CNTN4: variants seen among roughly 807,000 people sequenced by gnomAD.
CNTN4 encodes contactin 4.
Under a neutral mutation model 122.5 loss-of-function variants are expected in CNTN4, and 77 were observed. The observed-to-expected ratio is 0.63, with a 90% CI of 0.52 to 0.76. The LOEUF (loss-of-function observed/expected upper bound fraction) is 0.76. CNTN4 is among the 30% of genes least tolerant of loss of function. CNTN4 has a pLI of 0.00. For missense variants in CNTN4, 1,256 were observed against 1,259.1 expected (o/e 1.00, Z 0.04); for synonymous variants, 512 against 447.0 (o/e 1.15, Z -1.83).
At chr3:2,390,496 A>G (rs1295209623) in intron 3 of CNTN4, among the ~76,000 whole-genome samples, 1 of 152,194 alleles carries the variant, frequency 6.6e-6, no homozygotes, top group Non-Finnish European at 1.5e-5. Flanking sequence ...ACTAAAACAC[A>G]TGATATAGCA....
At chr3:2,136,963 T>TC (rs1485942399) in intron 2 of CNTN4, among the ~76,000 whole-genome samples, 3 of 152,066 alleles carry the variant, frequency 2.0e-5, no homozygotes, top group African/African-American at 7.2e-5. Context: ...AAACAACCCC[T>TC]CCCCCCGAAG....
intron 3 of CNTN4, among the ~76,000 whole-genome samples, chr3:2,466,968 TTC>T (rs1334519229): frequency 1.5e-5 from 2 of 131,326 alleles, no homozygotes; most frequent in African/African-American, 5.3e-5. Flanking sequence ...CTTTCTTTCT[TTC>T]TTTTTTTTTT....
At chr3:2,735,471 G>A (rs113510788) in intron 4 of CNTN4, among the ~76,000 whole-genome samples, 1 of 152,196 alleles carries the variant, frequency 6.6e-6, no homozygotes, top group Non-Finnish European at 1.5e-5. Flanking sequence ...ACTTAGAAAT[G>A]CATGGCTGTT....
intron 6 of CNTN4, among the ~76,000 whole-genome samples, chr3:2,777,960 A>C (rs1397051819): frequency 2.0e-4 from 31 of 152,084 alleles, no homozygotes; most frequent in Admixed American, 2.0e-3. Context: ...CATGCCTGTA[A>C]TGCCAGCACT....
intron 2 of CNTN4, among the ~76,000 whole-genome samples, chr3:2,201,559 G>A (rs1050175492): frequency 2.6e-5 from 4 of 152,092 alleles, no homozygotes; most frequent in African/African-American, 9.7e-5. Flanking sequence ...ATTTGCCAAA[G>A]TATTGCTAAA....
At chr3:2,270,333 G>A (rs971939832) in intron 2 of CNTN4, among the ~76,000 whole-genome samples, 2 of 152,110 alleles carry the variant, frequency 1.3e-5, no homozygotes, top group Non-Finnish European at 2.9e-5. Flanking sequence ...TGTCATGGGG[G>A]TTTGGTGTAC....
chr3:2,328,187 C>A (rs894370060), intron 2 of CNTN4, among the ~76,000 whole-genome samples: 1 of 152,090 alleles, frequency 6.6e-6, no homozygotes, highest in African/African-American at 2.4e-5. Context: ...GGGCGGATCA[C>A]GGGGTCAGGA....
chr3:2,615,494 A>T (rs1406267735), intron 4 of CNTN4, among the ~76,000 whole-genome samples: 1 of 152,148 alleles, frequency 6.6e-6, no homozygotes, highest in Non-Finnish European at 1.5e-5. Flanking sequence ...AACAGTTCAC[A>T]TTTTTAAAAG....
At chr3:2,167,359 G>C (rs2036241132) in intron 2 of CNTN4, among the ~76,000 whole-genome samples, 1 of 152,008 alleles carries the variant, frequency 6.6e-6, no homozygotes, top group Non-Finnish European at 1.5e-5. Context: ...AAGGTAACGT[G>C]TAACAATACC....
intron 3 of CNTN4, among the ~76,000 whole-genome samples, chr3:2,358,591 ATGATTT>A (rs1401580574): frequency 4.6e-5 from 7 of 152,092 alleles, no homozygotes; most frequent in African/African-American, 2.4e-5. Flanking sequence ...CCAATTAAAA[ATGATTT>A]TAGATGATCT....
chr3:2,195,811 C>G (rs1016052911), intron 2 of CNTN4, among the ~76,000 whole-genome samples: 2 of 152,124 alleles, frequency 1.3e-5, no homozygotes, highest in Admixed American at 1.3e-4. Context: ...CACTTAGTTA[C>G]CTAGTTTGGC....
chr3:2,682,393 A>G (rs2085210632), intron 4 of CNTN4, among the ~76,000 whole-genome samples: 1 of 152,162 alleles, frequency 6.6e-6, no homozygotes, highest in Admixed American at 6.6e-5. Flanking sequence ...TGAGGATGTC[A>G]GAGACCCCTT....
intron 10 of CNTN4, among the ~76,000 whole-genome samples, chr3:2,900,145 A>C (rs577417724): frequency 6.6e-6 from 1 of 152,298 alleles, no homozygotes; most frequent in South Asian, 2.1e-4. Context: ...ACCCAAGGCT[A>C]TTTCAATTGC....
intron 3 of CNTN4, among the ~76,000 whole-genome samples, chr3:2,464,385 G>A (rs980792085): frequency 1.3e-5 from 2 of 152,204 alleles, no homozygotes; most frequent in Non-Finnish European, 2.9e-5. Context: ...TGTGCAACTA[G>A]CACTTGTGTA....
Position 2,109,504 on chromosome 3 carries a change from T to C in CNTN4, c.-145+8865T>C, listed in dbSNP as rs377284323. Among the ~76,000 whole-genome samples, 26 of 152,312 alleles carry C rather than the reference T, an allele frequency of 1.7e-4. 1 individual carries two copies. The East Asian group carries it at 4.4e-3, about 26-fold the overall frequency. ...TGTAACTTGCACACTTGTATTAATATAAATCTTGAGTGTCCATGTTGCCTA... is the reference window on the plus strand; with the variant it reads ...TGTAACTTGCACACTTGTATTAATACAAATCTTGAGTGTCCATGTTGCCTA... On this transcript the variant is annotated intron_variant, in intron 2 of 24. Coordinates refer to ENST00000418658, the MANE Select transcript of CNTN4 (RefSeq NM_175607.3).
At chr3:2,208,685 C>G (rs906177540) in intron 2 of CNTN4, among the ~76,000 whole-genome samples, 1 of 152,106 alleles carries the variant, frequency 6.6e-6, no homozygotes, top group South Asian at 2.1e-4. Flanking sequence ...AAGGAAGGGT[C>G]TATCTATGCA....
rs539412262 is a variant in CNTN4 at position 3,001,372 on chromosome 3, T to G, written c.1486+12900T>G. ...GAATTCCTCATTGTTTTTTCCCAGA[T>G]GCATCACTGGATAAGGAGTGAGTAA... On this transcript the variant is annotated intron_variant, in intron 14 of 24. Coordinates refer to ENST00000418658, the MANE Select transcript of CNTN4 (RefSeq NM_175607.3). Among the ~76,000 whole-genome samples, 3 of 152,310 alleles carry G rather than the reference T, an allele frequency of 2.0e-5. No individual in the cohort carries two copies. In the South Asian group the frequency reaches 6.2e-4, roughly 32 times the overall value.
intron 14 of CNTN4, among the ~76,000 whole-genome samples, chr3:3,000,239 T>C (rs918751110): frequency 3.3e-5 from 5 of 151,716 alleles, no homozygotes; most frequent in Admixed American, 6.6e-5. Context: ...AGGGGGGAAA[T>C]ATAGAGATCT....
intron 3 of CNTN4, among the ~76,000 whole-genome samples, chr3:2,391,047 G>A (rs2046423180): frequency 6.6e-6 from 1 of 152,154 alleles, no homozygotes; most frequent in South Asian, 2.1e-4. Context: ...CCAAATAGCT[G>A]GACTGTAATG....
Sources: gnomAD v4.1 joint callset for allele counts (sites outside exome capture counted in the v4.1 genomes callset) on GRCh38, gnomAD v4.1.1 for gene constraint, MANE v1.5 for transcripts, NCBI Gene and HGNC (gene_info 2026-07-23, HGNC 2026-07-21) for gene names.